The following ADAM23 variants were observed in gnomAD, a reference collection of about 807,000 sequenced individuals.
The protein encoded by ADAM23 is ADAM metallopeptidase domain 23.
Under a neutral mutation model 120.1 loss-of-function variants are expected in ADAM23, and 33 were observed. That is an observed-to-expected ratio of 0.27 (90% CI 0.21 to 0.37). The LOEUF is 0.37. ADAM23 is among the 10% of genes least tolerant of loss of function. ADAM23 has a pLI of 1.00. For synonymous variants in ADAM23, 367 were observed against 375.2 expected (o/e 0.98, Z 0.25); for missense variants, 862 against 1,058.2 (o/e 0.81, Z 2.57).
At chr2:206,592,803 C>CA (rs1325320766) in intron 22 of ADAM23, 67 bp downstream of exon 22, 11 of 1,507,644 alleles carry the variant, frequency 7.3e-6, no homozygotes, top group African/African-American at 1.4e-5. Flanking sequence ...AATGAAATTT[C>CA]AAAAAAATCA....
intron 20 of ADAM23, among the ~76,000 whole-genome samples, chr2:206,588,808 C>G (rs1397296074): frequency 6.6e-6 from 1 of 152,188 alleles, no homozygotes; most frequent in Non-Finnish European, 1.5e-5. Context: ...AGAAAGCACA[C>G]AGAATGAGAA....
intron 13 of ADAM23, among the ~76,000 whole-genome samples, 153 bp from the exon 14 acceptor site, chr2:206,564,867 A>G (rs533151311): frequency 2.3e-4 from 35 of 152,352 alleles, no homozygotes; most frequent in Non-Finnish European, 4.6e-4. Context: ...GATTTAAAAG[A>G]AATTTTGTTC....
intron 3 of ADAM23, among the ~76,000 whole-genome samples, chr2:206,492,850 C>T (rs919864371): frequency 1.3e-5 from 2 of 152,070 alleles, no homozygotes; most frequent in Non-Finnish European, 2.9e-5. Flanking sequence ...CCATAGCAGA[C>T]GTTTTCAGTG....
intron 24 of ADAM23, among the ~76,000 whole-genome samples, chr2:206,605,217 A>T (rs918736731): frequency 6.6e-6 from 1 of 152,248 alleles, no homozygotes; most frequent in Non-Finnish European, 1.5e-5. Flanking sequence ...AACAAAAAAC[A>T]AAATGTCTAA....
intron 4 of ADAM23, among the ~76,000 whole-genome samples, chr2:206,537,531 G>C (rs969495561): frequency 6.6e-6 from 1 of 152,100 alleles, no homozygotes; most frequent in Non-Finnish European, 1.5e-5. Flanking sequence ...CCTTTTCTGA[G>C]TGTTTCCCCA....
At chr2:206,445,551 G>C in intron 2 of ADAM23, 27 bp downstream of exon 2, 1 of 1,573,044 alleles carries the variant, frequency 6.4e-7, no homozygotes, top group Non-Finnish European at 8.7e-7. Context: ...CTATGCAAAA[G>C]TAACTATCAT....
chr2:206,545,260 C>T (rs1032062444), intron 6 of ADAM23, among the ~76,000 whole-genome samples: 7 of 151,790 alleles, frequency 4.6e-5, no homozygotes, highest in East Asian at 1.9e-4. Flanking sequence ...GGCTGAGGTG[C>T]GCAGATCACG....
intron 3 of ADAM23, among the ~76,000 whole-genome samples, chr2:206,489,672 T>C (rs1467095031): frequency 6.6e-6 from 1 of 152,188 alleles, no homozygotes; most frequent in African/African-American, 2.4e-5. Context: ...TATCCCCATT[T>C]TACTGCTGAG....
intron 17 of ADAM23, 70 bp from the exon 18 acceptor site, chr2:206,573,045 T>C (rs1574541931): frequency 2.0e-6 from 3 of 1,498,488 alleles, no homozygotes; most frequent in East Asian, 4.5e-5. Flanking sequence ...TGTCGGTGAG[T>C]CTAAGAATGT....
At chr2:206,570,889 G>A (rs367806676) in intron 16 of ADAM23, 78 bp downstream of exon 16, 20 of 1,259,964 alleles carry the variant, frequency 1.6e-5, no homozygotes, top group East Asian at 1.2e-4. Flanking sequence ...TGAGAGGCCA[G>A]CACATTGATT....
intron 4 of ADAM23, among the ~76,000 whole-genome samples, chr2:206,535,602 A>G (rs1253148668): frequency 1.3e-5 from 2 of 152,376 alleles, no homozygotes; most frequent in East Asian, 3.9e-4. Context: ...GCATATCCAC[A>G]TAGTGGAATT....
chr2:206,614,509 A>C (rs1574567968), intron 25 of ADAM23, among the ~76,000 whole-genome samples: 1 of 151,614 alleles, frequency 6.6e-6, no homozygotes, highest in African/African-American at 2.4e-5. Flanking sequence ...ACAAAAATTA[A>C]CCGGGCATGG....
intron 3 of ADAM23, among the ~76,000 whole-genome samples, chr2:206,515,933 T>G (rs1211827798): frequency 6.6e-6 from 1 of 152,156 alleles, no homozygotes; most frequent in African/African-American, 2.4e-5. Context: ...AAATTTTTAA[T>G]GTCAGAATTG....
At chr2:206,498,608 A>G (rs1327530263) in intron 3 of ADAM23, among the ~76,000 whole-genome samples, 1 of 152,230 alleles carries the variant, frequency 6.6e-6, no homozygotes, top group Non-Finnish European at 1.5e-5. Context: ...CTTCATGTCT[A>G]AAATACCAAA....
At chr2:206,604,132 G>A (rs1034724237) in intron 24 of ADAM23, among the ~76,000 whole-genome samples, 3 of 152,158 alleles carry the variant, frequency 2.0e-5, no homozygotes, top group Admixed American at 1.3e-4. Context: ...CGGGTGTGGT[G>A]GTGCGCACCT....
chr2:206,571,001 T>C (rs1440775573), intron 16 of ADAM23, among the ~76,000 whole-genome samples, 190 bp downstream of exon 16: 1 of 152,246 alleles, frequency 6.6e-6, no homozygotes, highest in African/African-American at 2.4e-5. Flanking sequence ...TGAGCAAACC[T>C]AATAGATTCT....
chr2:206,558,010 T>C (rs1242912635), intron 10 of ADAM23, among the ~76,000 whole-genome samples: 1 of 152,188 alleles, frequency 6.6e-6, no homozygotes, highest in African/African-American at 2.4e-5. Flanking sequence ...TGGAAATAAG[T>C]GCAGTCCCCA....
At chr2:206,541,601 T>C (rs1254911852) in intron 4 of ADAM23, among the ~76,000 whole-genome samples, 1 of 152,236 alleles carries the variant, frequency 6.6e-6, no homozygotes, top group African/African-American at 2.4e-5. Context: ...AAAACTACAT[T>C]CATATATTGC....
At chr2:206,574,598 A>T (rs1384630931) in intron 18 of ADAM23, among the ~76,000 whole-genome samples, 2 of 152,158 alleles carry the variant, frequency 1.3e-5, no homozygotes, top group East Asian at 1.9e-4. Flanking sequence ...GAAACTATTT[A>T]TTAGACAAAA....
Sources: gnomAD v4.1 joint callset for allele counts (sites outside exome capture counted in the v4.1 genomes callset) on GRCh38, gnomAD v4.1.1 for gene constraint, MANE v1.5 for transcripts, NCBI Gene and HGNC (gene_info 2026-07-23, HGNC 2026-07-21) for gene names.